Variants in EPHA3 observed in about 807,000 individuals in gnomAD.
EPHA3 encodes EPH receptor A3.
Under a neutral mutation model 107.1 loss-of-function variants are expected in EPHA3, and 42 were observed. That is an observed-to-expected ratio of 0.39 (90% CI 0.31 to 0.51). The LOEUF (loss-of-function observed/expected upper bound fraction) is 0.51. Among genes scored for constraint, EPHA3 ranks in the 20% least tolerant of loss-of-function variants. The pLI, the probability that EPHA3 is intolerant of heterozygous loss-of-function variation, is 0.78. For missense variants in EPHA3, 1,183 were observed against 1,211.2 expected (o/e 0.98, Z 0.35); for synonymous variants, 461 against 424.8 (o/e 1.09, Z -1.05).
chr3:89,449,168 G>T (rs1220290205), intron 13 of EPHA3, 57 bp from the exon 14 acceptor site: 1 of 1,435,276 alleles, frequency 7.0e-7, no homozygotes, highest in East Asian at 2.4e-5. Context: ...ATTATGTTAT[G>T]TATATTATAT....
intron 5 of EPHA3, among the ~76,000 whole-genome samples, chr3:89,343,647 AT>A (rs1707582856): frequency 6.6e-6 from 1 of 152,172 alleles, no homozygotes; most frequent in Non-Finnish European, 1.5e-5. Context: ...CTGATTCTAA[AT>A]TTCTCTTTCG....
intron 2 of EPHA3, among the ~76,000 whole-genome samples, chr3:89,192,572 A>T (rs1705745850): frequency 6.6e-6 from 1 of 152,100 alleles, no homozygotes; most frequent in African/African-American, 2.4e-5. Flanking sequence ...GTTCTCCAAT[A>T]ACCAGAATAC....
In EPHA3 at chr3:89,314,562, T is replaced by A. The variant is rs1489006404; in HGVS notation, c.815-26354T>A. On this transcript the variant is annotated intron_variant, in intron 3 of 16. Transcript: ENST00000336596. ...AAGACACACTTACATGACTGCCTCATTTCCAGAGCCTGGTGACAGTCCTGC... is the reference window on the plus strand; with the variant it reads ...AAGACACACTTACATGACTGCCTCAATTCCAGAGCCTGGTGACAGTCCTGC... Among the ~76,000 whole-genome samples, 3 of 151,944 alleles carry A rather than the reference T, an allele frequency of 2.0e-5. No homozygotes were observed. In the Admixed American group the frequency reaches 2.0e-4, roughly 10 times the overall value.
intron 5 of EPHA3, among the ~76,000 whole-genome samples, chr3:89,355,031 C>G (rs556192163): frequency 1.3e-5 from 2 of 151,140 alleles, no homozygotes; most frequent in African/African-American, 4.8e-5. Flanking sequence ...TTCAAAAGCA[C>G]CCTCTTGACA....
rs114463433 is a variant in EPHA3, at chr3:89,118,638, G to A, written c.89-8571G>A. Among the ~76,000 whole-genome samples the A allele has an allele frequency of 4.5e-3, 679 of 151,834 alleles. 6 individuals carry two copies. The highest frequency in any genetic ancestry group is 0.015 in the African/African-American group (628 of 41,504). On this transcript the variant is annotated intron_variant, in intron 1 of 16. Transcript: ENST00000336596. ...ACAACTTTAAGAATCATTAAAATGA[G>A]TCAAGAAAAGGGTTGATATATAACT... is the stretch of plus-strand genomic sequence containing the variant.
At chr3:89,281,993 T>G (rs917997037) in intron 3 of EPHA3, among the ~76,000 whole-genome samples, 4 of 152,246 alleles carry the variant, frequency 2.6e-5, no homozygotes, top group African/African-American at 9.6e-5. Flanking sequence ...AAATTATGAT[T>G]ATCAAAGATG....
Position 89,482,077 on chromosome 3 carries a change from G to A in EPHA3, c.*2575G>A. 4.7e-6 allele frequency: 1 copy of A among 214,154 alleles called. No individual in the cohort carries two copies. The highest frequency in any genetic ancestry group is 7.0e-5 in the East Asian group (1 of 14,256). 13.3% of individuals were successfully genotyped at this position (214,154 alleles called of 1,614,324 possible). A position where few individuals can be genotyped will look rare whatever the true frequency, so the allele number is the denominator to read the frequency against. On this transcript the variant is annotated 3_prime_UTR_variant, in exon 17 of 17. Coordinates refer to ENST00000336596, the MANE Select transcript of EPHA3 (RefSeq NM_005233.6). Reference sequence around the variant, plus strand: ...TCTTACTAATGTAAAATGATTTGTAGTGGAAACATTTATATTTTTATAATA... The same window carrying A: ...TCTTACTAATGTAAAATGATTTGTAATGGAAACATTTATATTTTTATAATA...
In EPHA3 at chr3:89,341,040, A is replaced by G. The variant is rs1255851708; in HGVS notation, c.939A>G (p.Ala313=). The G allele has an allele frequency of 5.6e-6, 9 of 1,613,944 alleles. No homozygotes were observed. In the Admixed American group the frequency reaches 6.7e-5, roughly 12 times the overall value. The change falls in exon 4 of 17, where the codon GCA becomes GCG. Residue 313 remains alanine, a synonymous_variant. Transcript: ENST00000336596. The stretch of plus-strand genomic sequence containing the variant: ...GGTGTGAGAATAATTACTTCCGGGC[A>G]GACAAAGACCCTCCATCCATGGCTT... ...NCRCENNYFR[A]DKDPPSMACT... is the part of the protein sequence containing the mutation.
chr3:89,469,080 AGATAATCTCT>A (rs1242643724), intron 15 of EPHA3, among the ~76,000 whole-genome samples: 1 of 152,154 alleles, frequency 6.6e-6, no homozygotes, highest in Non-Finnish European at 1.5e-5. Flanking sequence ...ATCCTTTTTT[AGATAATCTCT>A]GAGAGTTAGT....
intron 13 of EPHA3, among the ~76,000 whole-genome samples, chr3:89,432,912 T>C (rs1190261120): frequency 6.6e-6 from 1 of 152,122 alleles, no homozygotes; most frequent in Non-Finnish European, 1.5e-5. Context: ...AGTTTCCAGA[T>C]GATTAAATAT....
At chr3:89,192,862 A>G (rs1705752023) in intron 2 of EPHA3, among the ~76,000 whole-genome samples, 1 of 152,106 alleles carries the variant, frequency 6.6e-6, no homozygotes, top group African/African-American at 2.4e-5. Flanking sequence ...ACTGCTTTAA[A>G]ATATACTGGA....
intron 3 of EPHA3, among the ~76,000 whole-genome samples, chr3:89,332,027 A>G (rs1257850022): frequency 6.6e-6 from 1 of 152,162 alleles, no homozygotes; most frequent in Non-Finnish European, 1.5e-5. Flanking sequence ...GCATTTTGAC[A>G]TTCACCTTAA....
intron 2 of EPHA3, among the ~76,000 whole-genome samples, chr3:89,149,032 A>G (rs556929887): frequency 6.6e-6 from 1 of 152,114 alleles, no homozygotes; most frequent in South Asian, 2.1e-4. Context: ...GCCAGCGCAT[A>G]CCAATCAGAG....
intron 13 of EPHA3, among the ~76,000 whole-genome samples, chr3:89,435,246 A>G (rs1709644030): frequency 6.6e-6 from 1 of 151,760 alleles, no homozygotes; most frequent in Non-Finnish European, 1.5e-5. Flanking sequence ...TAACTGATGC[A>G]TTAATCAAAC....
chr3:89,221,560 G>T (rs2107207131), intron 3 of EPHA3, among the ~76,000 whole-genome samples: 1 of 152,134 alleles, frequency 6.6e-6, no homozygotes, highest in African/African-American at 2.4e-5. Context: ...ATCTTGAATT[G>T]TGGGAATGCT....
chr3:89,450,474 C>G, intron 15 of EPHA3, 104 bp downstream of exon 15: 2 of 1,090,686 alleles, frequency 1.8e-6, no homozygotes, highest in African/African-American at 1.6e-5. Flanking sequence ...TTATTTGAAG[C>G]TTGTATTCCA....
chr3:89,335,045 A>G (rs1463623018), intron 3 of EPHA3, among the ~76,000 whole-genome samples: 1 of 152,236 alleles, frequency 6.6e-6, no homozygotes, highest in Non-Finnish European at 1.5e-5. Context: ...CCATGATATG[A>G]AACTGATCTC....
rs139638027 is a variant in EPHA3 at position 89,187,521 on chromosome 3, C to T, written c.154-22339C>T. ...ATATACTTATTGAATAAGACAAATG[C>T]TAGTAAAGTGACTTGCACTGTTGCA... On this transcript the variant is annotated intron_variant, in intron 2 of 16. Coordinates refer to ENST00000336596, the MANE Select transcript of EPHA3 (RefSeq NM_005233.6). Among the ~76,000 whole-genome samples the T allele has an allele frequency of 3.7e-4, 56 of 151,302 alleles. No homozygotes were observed. In the East Asian group the frequency reaches 8.5e-3, roughly 23 times the overall value.
chr3:89,119,668 A>G (rs7632543), intron 1 of EPHA3, among the ~76,000 whole-genome samples: 144,886 of 152,202 alleles, frequency 0.95, 69,039 homozygotes, highest in African/African-American at 0.98. Context: ...TGAAGTCAGA[A>G]CTTTATTCTG....
Sources: allele counts gnomAD v4.1 joint callset (sites outside exome capture counted in the v4.1 genomes callset), GRCh38; gene constraint gnomAD v4.1.1; transcripts MANE v1.5; gene names NCBI Gene and HGNC (gene_info 2026-07-23, HGNC 2026-07-21).